Variants in HBS1L observed in about 807,000 individuals in gnomAD.
HBS1L encodes HBS1-like protein.
A neutral mutation model predicts 88.9 loss-of-function variants in HBS1L; 55 were observed. The observed-to-expected ratio is 0.62, with a 90% CI of 0.50 to 0.77. The LOEUF (loss-of-function observed/expected upper bound fraction) is 0.77, where lower values mean the gene tolerates loss of function less well. HBS1L is among the 30% of genes least tolerant of loss of function. The pLI, the probability that HBS1L is intolerant of heterozygous loss-of-function variation, is 0.00. For synonymous variants in HBS1L, 267 were observed against 288.5 expected (o/e 0.93, Z 0.76); for missense variants, 741 against 829.3 (o/e 0.89, Z 1.31).
At chr6:135,033,530 A>C (rs1188842359) in intron 4 of HBS1L, among the ~76,000 whole-genome samples, 1 of 152,174 alleles carries the variant, frequency 6.6e-6, no homozygotes, top group African/African-American at 2.4e-5. Flanking sequence ...CCAGCAGCCA[A>C]GCCAAGGAAA....
intron 13 of HBS1L, among the ~76,000 whole-genome samples, chr6:134,981,298 A>C (rs1379109760): frequency 3.9e-5 from 6 of 152,028 alleles, no homozygotes; most frequent in Non-Finnish European, 4.4e-5. Context: ...ACTTGCACAC[A>C]ATGAACAGAT....
At chr6:135,035,539 G>T (rs1186160285) in intron 4 of HBS1L, among the ~76,000 whole-genome samples, 1 of 151,398 alleles carries the variant, frequency 6.6e-6, no homozygotes, top group East Asian at 1.9e-4. Flanking sequence ...AGGAGATTGA[G>T]ACCATCCTGG....
chr6:135,020,032 ATG>A (rs1163044832), intron 4 of HBS1L, among the ~76,000 whole-genome samples: 1 of 151,780 alleles, frequency 6.6e-6, no homozygotes, highest in Admixed American at 6.6e-5. Flanking sequence ...CCCTATATGT[ATG>A]TGTCTATTTT....
At chr6:135,044,470 TA>T (rs1208046513) in intron 2 of HBS1L, among the ~76,000 whole-genome samples, 1 of 152,302 alleles carries the variant, frequency 6.6e-6, no homozygotes, top group African/African-American at 2.4e-5. Flanking sequence ...TCAGCATGGC[TA>T]AATAGCAGAA....
At chr6:134,980,023 C>A (rs774394038) in intron 13 of HBS1L, among the ~76,000 whole-genome samples, 5 of 151,976 alleles carry the variant, frequency 3.3e-5, no homozygotes, top group Non-Finnish European at 5.9e-5. Context: ...AGCTACCTTA[C>A]TCAAAGGCTT....
In HBS1L at chr6:135,039,911, G is replaced by A. The variant is rs546090018; in HGVS notation, c.236-144C>T. The stretch of plus-strand genomic sequence containing the variant: ...TTGGCAAAAATTATCTCTAATGATC[G>A]TATTTTTATCTACAATATACCTATC... On this transcript the variant is annotated intron_variant, in intron 3 of 17. Transcript: ENST00000367837. 72 of 633,450 alleles carry A rather than the reference G, an allele frequency of 1.1e-4. No individual in the cohort carries two copies. The Middle Eastern group carries it at 1.3e-3, about 11-fold the overall frequency. 39.2% of individuals were successfully genotyped at this position (633,450 alleles called of 1,614,324 possible).
In HBS1L at chr6:135,002,993, A is replaced by G. The variant is rs138368656; in HGVS notation, c.431-151T>C. On this transcript the variant is annotated intron_variant, in intron 4 of 17. Transcript: ENST00000367837. ...TATCTCTAAAAAAATTTAGTAAGAT[A>G]TTAATGCTGAAAGAAATTCTGTCAC... 4,528 of 524,350 alleles carry G rather than the reference A, an allele frequency of 8.6e-3. 28 individuals carry two copies. Among genetic ancestry groups the G allele is most frequent in the Non-Finnish European group, 0.012 (3,611 of 295,866 alleles). 32.5% of individuals were successfully genotyped at this position (524,350 alleles called of 1,614,324 possible).
rs1307204067 is a variant in HBS1L at position 134,986,075 on chromosome 6, C to T, written c.1414G>A (p.Glu472Lys). 10 of 1,435,124 alleles carry T rather than the reference C, an allele frequency of 7.0e-6. No homozygotes were observed. Among genetic ancestry groups the T allele is most frequent in the Non-Finnish European group, 9.7e-6 (10 of 1,026,408 alleles). The allele number at this position is 1,435,124 out of a possible 1,614,324, so 88.9% of individuals were successfully genotyped here. A position where few individuals can be genotyped will look rare whatever the true frequency, so the allele number is the denominator to read the frequency against. The change falls in exon 11 of 18, where the codon GAA becomes AAA. Residue 472 changes from glutamate to lysine, a missense_variant. By Grantham distance (56) the Glu-to-Lys change is moderately conservative. Transcript: ENST00000367837. Reference protein sequence around the residue: ...TKWYKGLCLLEQIDSFKPPQR... With the variant: ...TKWYKGLCLLKQIDSFKPPQR... ...ATGGCAGTATACTTACCAATTTGTT[C>T]TAATAAACATAGTCCTTTATACCAT... is the stretch of plus-strand genomic sequence containing the variant.
intron 15 of HBS1L, among the ~76,000 whole-genome samples, chr6:134,973,336 C>A (rs550175193): frequency 1.3e-5 from 2 of 152,198 alleles, no homozygotes; most frequent in Admixed American, 6.5e-5. Flanking sequence ...GTGAAATAAG[C>A]CAGACACAAA....
intron 15 of HBS1L, among the ~76,000 whole-genome samples, chr6:134,970,241 TC>T (rs1774443945): frequency 6.6e-6 from 1 of 152,164 alleles, no homozygotes; most frequent in Non-Finnish European, 1.5e-5. Flanking sequence ...CAGGCAATTC[TC>T]CTGCCTCAGC....
intron 2 of HBS1L, among the ~76,000 whole-genome samples, chr6:135,044,427 C>G (rs894663476): frequency 5.3e-5 from 8 of 152,156 alleles, no homozygotes; most frequent in Non-Finnish European, 7.3e-5. Flanking sequence ...TTTTCCCCCT[C>G]TTGTGCAAGT....
chr6:134,988,064 A>G (rs1386133053), intron 8 of HBS1L, among the ~76,000 whole-genome samples: 1 of 152,144 alleles, frequency 6.6e-6, no homozygotes, highest in Admixed American at 6.6e-5. Context: ...AAACAAAATT[A>G]AAACATAAAC....
intron 3 of HBS1L, among the ~76,000 whole-genome samples, chr6:135,040,835 A>G (rs1393099665): frequency 1.3e-5 from 2 of 152,164 alleles, no homozygotes; most frequent in Non-Finnish European, 2.9e-5. Context: ...CCAGGTAACT[A>G]GGGGCCAATG....
rs1283095031 is a variant in HBS1L at position 134,960,875 on chromosome 6, C to T, written c.*4404G>A. 1 of 152,084 alleles carries T rather than the reference C, an allele frequency of 6.6e-6. No homozygotes were observed. Among genetic ancestry groups the T allele is most frequent in the African/African-American group, 2.4e-5 (1 of 41,418 alleles). 9.4% of individuals were successfully genotyped at this position (152,084 alleles called of 1,614,324 possible). ...CAACGGATCAGTTATTTTTGTCTCC[C>T]CAGTACATCTGTGCCCTTTCTTCTT... is the stretch of plus-strand genomic sequence containing the variant. On this transcript the variant is annotated 3_prime_UTR_variant, in exon 18 of 18. Coordinates refer to ENST00000367837, the MANE Select transcript of HBS1L (RefSeq NM_006620.4).
chr6:135,024,178 C>T lies in HBS1L; in HGVS notation c.430+15395G>A, dbSNP rs538586899. Among the ~76,000 whole-genome samples, 9 of 152,180 alleles carry T rather than the reference C, an allele frequency of 5.9e-5. No homozygotes were observed. In the East Asian group the frequency reaches 1.7e-3, roughly 29 times the overall value. On this transcript the variant is annotated intron_variant, in intron 4 of 17. Transcript: ENST00000367837. Reference sequence around the variant, plus strand: ...ATGATGGGCCGGGCACAGTGGCTCACGCCTGTAATCCCAGCACTTTGGGAG... The same window carrying T: ...ATGATGGGCCGGGCACAGTGGCTCATGCCTGTAATCCCAGCACTTTGGGAG...
At chr6:134,975,684 C>T (rs1311670229) in intron 15 of HBS1L, among the ~76,000 whole-genome samples, 1 of 152,040 alleles carries the variant, frequency 6.6e-6, no homozygotes, top group Non-Finnish European at 1.5e-5. Context: ...ATGGATGGTG[C>T]TGGGAAAATG....
intron 4 of HBS1L, chr6:135,037,899 T>C (rs1419529890): frequency 3.9e-6 from 6 of 1,551,284 alleles, no homozygotes; most frequent in South Asian, 2.4e-5. Flanking sequence ...AATTATGAGA[T>C]AATCCGTATT....
At chr6:135,011,461 T>G (rs1330112748) in intron 4 of HBS1L, among the ~76,000 whole-genome samples, 1 of 152,172 alleles carries the variant, frequency 6.6e-6, no homozygotes, top group African/African-American at 2.4e-5. Context: ...TTGAGGCTGC[T>G]GTGAGCTATG....
At chr6:135,031,753 A>G (rs1207566928) in intron 4 of HBS1L, among the ~76,000 whole-genome samples, 1 of 152,072 alleles carries the variant, frequency 6.6e-6, no homozygotes, top group Non-Finnish European at 1.5e-5. Flanking sequence ...TCCTGCAACT[A>G]AACTGCTTTC....
Sources: allele counts gnomAD v4.1 joint callset (sites outside exome capture counted in the v4.1 genomes callset), GRCh38; gene constraint gnomAD v4.1.1; transcripts MANE v1.5; gene names NCBI Gene and HGNC (gene_info 2026-07-23, HGNC 2026-07-21).